The following CPXM2 variants were observed in gnomAD, a reference collection of about 807,000 sequenced individuals.
CPXM2 encodes the protein carboxypeptidase X, M14 family member 2, also known as inactive carboxypeptidase-like protein X2.
CPXM2 carries 66 observed loss-of-function variants against 86.1 expected under a neutral mutation model. That is an observed-to-expected ratio of 0.77 (90% CI 0.63 to 0.94). The LOEUF (loss-of-function observed/expected upper bound fraction) is 0.94, where lower values mean the gene tolerates loss of function less well. CPXM2 is among the 40% of genes least tolerant of loss of function. The pLI is 0.00. For synonymous variants in CPXM2, 388 were observed against 400.2 expected (o/e 0.97, Z 0.36); for missense variants, 948 against 1,026.3 (o/e 0.92, Z 1.04).
intron 11 of CPXM2, among the ~76,000 whole-genome samples, chr10:123,759,460 G>T (rs1846285316): frequency 6.6e-6 from 1 of 152,244 alleles, no homozygotes. Flanking sequence ...ACCAGAGGGA[G>T]GTGGAGAAGC....
chr10:123,910,865 C>A (rs1217040268), intron 2 of CPXM2, among the ~76,000 whole-genome samples: 1 of 152,328 alleles, frequency 6.6e-6, no homozygotes, highest in Admixed American at 6.5e-5. Context: ...CTTGCCTCTT[C>A]CAGGTCTGGT....
Position 123,762,167 on chromosome 10 carries a change from C to A in CPXM2, c.1482G>T (p.Val494=), listed in dbSNP as rs539836488. 2 of 1,614,034 alleles carry A rather than the reference C, an allele frequency of 1.2e-6. No individual in the cohort carries two copies. Among genetic ancestry groups the A allele is most frequent in the Middle Eastern group, 1.6e-4 (1 of 6,084 alleles). The part of the protein sequence containing the change: ...PEWFLSENAT[V]AAETRAVIAW... ...CTATGACTGCTCTGGTCTCGGCAGC[C>A]ACCTGTGAACATCCCAAATGGACGA... Residue 494 remains valine, a splice_region_variant and synonymous_variant, in exon 11 of 14, where the codon GTG becomes GTT. Transcript: ENST00000241305.
chr10:123,888,384 G>A lies in CPXM2; in HGVS notation c.304+2972C>T, dbSNP rs2134245798. 1.3e-5 allele frequency among the ~76,000 whole-genome samples: 2 copies of A among 152,212 alleles called. 1 individual carries two copies. Among genetic ancestry groups the A allele is most frequent in the South Asian group, 4.2e-4 (2 of 4,814 alleles). ...AATTGAACCCCTCACTCCCACCTCA[G>A]TGCCTCATACATAGCATTGCATCAT... On this transcript the variant is annotated intron_variant, in intron 1 of 13. Transcript: ENST00000241305.
At chr10:123,905,033 G>A (rs1424423064) in intron 2 of CPXM2, among the ~76,000 whole-genome samples, 6 of 140,290 alleles carry the variant, frequency 4.3e-5, no homozygotes, top group East Asian at 2.0e-4. Flanking sequence ...TGGAAAATGC[G>A]TGAAGACAAG....
At chr10:123,826,968 G>C (rs983016490) in intron 4 of CPXM2, among the ~76,000 whole-genome samples, 2 of 152,152 alleles carry the variant, frequency 1.3e-5, no homozygotes, top group African/African-American at 4.8e-5. Context: ...TCTCTAGACT[G>C]TAATGGGTCA....
chr10:123,844,699 G>A (rs1848461751), intron 3 of CPXM2, among the ~76,000 whole-genome samples: 2 of 152,162 alleles, frequency 1.3e-5, no homozygotes, highest in South Asian at 4.1e-4. Context: ...AAAGACATAT[G>A]AAAGCCCTAA....
intron 2 of CPXM2, among the ~76,000 whole-genome samples, chr10:123,870,064 G>T (rs1223909124): frequency 6.6e-6 from 1 of 152,112 alleles, no homozygotes; most frequent in Non-Finnish European, 1.5e-5. Flanking sequence ...GGGAAAACCT[G>T]CAGGTAACTA....
chr10:123,756,109 G>A (rs1846201576), intron 12 of CPXM2, among the ~76,000 whole-genome samples: 1 of 152,206 alleles, frequency 6.6e-6, no homozygotes, highest in Non-Finnish European at 1.5e-5. Context: ...GCAGCCAAAA[G>A]TGCCAGCCAA....
At chr10:123,747,154 G>T in intron 13 of CPXM2, 137 bp from the exon 14 acceptor site, 1 of 1,056,726 alleles carries the variant, frequency 9.5e-7, no homozygotes, top group Non-Finnish European at 1.4e-6. Flanking sequence ...TCCTGCAGAT[G>T]CAAATTCTTA....
chr10:123,811,399 T>C (rs906821502), intron 4 of CPXM2, among the ~76,000 whole-genome samples: 2 of 152,170 alleles, frequency 1.3e-5, no homozygotes, highest in African/African-American at 2.4e-5. Flanking sequence ...ACATGTGGTG[T>C]TTGGTTTTTT....
intron 2 of CPXM2, among the ~76,000 whole-genome samples, chr10:123,921,999 T>C (rs974853474): frequency 5.9e-5 from 9 of 152,196 alleles, no homozygotes; most frequent in Non-Finnish European, 1.2e-4. Context: ...TTTGAATCTG[T>C]TCCCTTTAAA....
intron 4 of CPXM2, among the ~76,000 whole-genome samples, chr10:123,802,720 C>T (rs905442315): frequency 8.5e-5 from 13 of 152,290 alleles, no homozygotes; most frequent in East Asian, 1.9e-4. Flanking sequence ...CATATACCTA[C>T]GTTCAGCCGC....
intron 2 of CPXM2, among the ~76,000 whole-genome samples, chr10:123,930,073 C>T (rs1945654722): frequency 6.6e-6 from 1 of 152,220 alleles, no homozygotes; most frequent in African/African-American, 2.4e-5. Flanking sequence ...CCCCTGTCTT[C>T]CACGCAGCCA....
At chr10:123,920,928 A>G (rs560212075) in intron 2 of CPXM2, among the ~76,000 whole-genome samples, 1 of 152,294 alleles carries the variant, frequency 6.6e-6, no homozygotes, top group East Asian at 1.9e-4. Context: ...CCTTCACAAG[A>G]TGCTGGTGCC....
rs1348747836 is a variant in CPXM2, at chr10:123,930,890, T to G, written n.174+8587A>C. ...GAGTAGCCCGGGAGGTCTCCAGAGC[T>G]TGGCAAGGAGAAATAAATCTTTCGT... On this transcript the variant is annotated intron_variant and non_coding_transcript_variant, in intron 2 of 19. Transcript: ENST00000368854. 5.3e-5 allele frequency among the ~76,000 whole-genome samples: 8 copies of G among 152,328 alleles called. No individual in the cohort carries two copies. The East Asian group carries it at 1.5e-3, about 29-fold the overall frequency.
intron 6 of CPXM2, among the ~76,000 whole-genome samples, chr10:123,789,459 G>A (rs914187284): frequency 6.6e-6 from 1 of 152,244 alleles, no homozygotes; most frequent in Non-Finnish European, 1.5e-5. Context: ...GACTGGCAGG[G>A]AAGCTGTCAG....
At chr10:123,750,487 C>G in intron 13 of CPXM2, 11 of 985,368 alleles carry the variant, frequency 1.1e-5, no homozygotes, top group Non-Finnish European at 1.2e-5. Context: ...TGTATGTCCC[C>G]TTAGGGAGGG....
intron 8 of CPXM2, 78 bp downstream of exon 8, chr10:123,770,838 T>C (rs1343678711): frequency 2.8e-6 from 4 of 1,441,072 alleles, no homozygotes; most frequent in Admixed American, 2.2e-5. Context: ...AATCTTCTCA[T>C]AGGGTGAACA....
intron 4 of CPXM2, among the ~76,000 whole-genome samples, chr10:123,832,580 A>T (rs143658466): frequency 0.028 from 4,284 of 152,182 alleles, 76 homozygotes; most frequent in African/African-American, 0.053. Flanking sequence ...TAACCCTAGC[A>T]CTTTGGGAGG....
Sources: allele counts gnomAD v4.1 joint callset (sites outside exome capture counted in the v4.1 genomes callset), GRCh38; gene constraint gnomAD v4.1.1; transcripts MANE v1.5; gene names NCBI Gene and HGNC (gene_info 2026-07-23, HGNC 2026-07-21).